The following PIAS2 variants were observed in gnomAD, a reference collection of about 807,000 sequenced individuals.
The protein encoded by PIAS2 is protein inhibitor of activated STAT 2.
Under a neutral mutation model 69.7 loss-of-function variants are expected in PIAS2, and 19 were observed. That is an observed-to-expected ratio of 0.27 (90% CI 0.19 to 0.40). The LOEUF is 0.40. Among genes scored for constraint, PIAS2 ranks in the 10% least tolerant of loss-of-function variants. PIAS2 has a pLI of 1.00. For synonymous variants in PIAS2, 261 were observed against 263.2 expected (o/e 0.99, Z 0.08); for missense variants, 624 against 757.0 (o/e 0.82, Z 2.06).
intron 9 of PIAS2, among the ~76,000 whole-genome samples, chr18:46,830,464 A>G (rs745834576): frequency 5.9e-5 from 9 of 152,074 alleles, no homozygotes; most frequent in Non-Finnish European, 8.8e-5. Flanking sequence ...AAATTTGTGG[A>G]CTGTATTATT....
intron 9 of PIAS2, 198 bp downstream of exon 9, chr18:46,836,159 G>A: frequency 2.1e-6 from 1 of 470,032 alleles, no homozygotes; most frequent in South Asian, 4.1e-5. Flanking sequence ...TCATATTATA[G>A]AGATAAAAAT....
At chr18:46,918,898 C>G (rs184336495), upstream of PIAS2, among the ~76,000 whole-genome samples, 269 of 152,166 alleles carry the variant, frequency 1.8e-3, 2 homozygotes, top group Admixed American at 5.8e-3. Flanking sequence ...CTGTTATGAC[C>G]TCTCCTAGGA....
At chr18:46,850,100 T>C (rs1300540741) in intron 5 of PIAS2, among the ~76,000 whole-genome samples, 1 of 152,216 alleles carries the variant, frequency 6.6e-6, no homozygotes, top group Non-Finnish European at 1.5e-5. Flanking sequence ...TTGAAAATTT[T>C]AAACATATAC....
chr18:46,841,683 A>G lies in PIAS2; in HGVS notation c.1041+2371T>C, dbSNP rs554609662. 3.9e-5 allele frequency among the ~76,000 whole-genome samples: 6 copies of G among 152,318 alleles called. No homozygotes were observed. The South Asian group carries it at 1.2e-3, about 32-fold the overall frequency. ...ATTCTTTTCTTAGAAAGTGCTCTGA[A>G]AAGATTGATGAACCCCCAGGAAAAG... On this transcript the variant is annotated intron_variant, in intron 8 of 13. Coordinates refer to ENST00000585916, the MANE Select transcript of PIAS2 (RefSeq NM_004671.5).
chr18:46,896,813 C>T (rs555725585), intron 1 of PIAS2, among the ~76,000 whole-genome samples: 46 of 152,334 alleles, frequency 3.0e-4, no homozygotes, highest in South Asian at 1.7e-3. Flanking sequence ...GTCCTCAATG[C>T]ACCCAATACA....
chr18:46,869,218 A>G (rs1324700774), intron 2 of PIAS2, among the ~76,000 whole-genome samples: 1 of 152,216 alleles, frequency 6.6e-6, no homozygotes, highest in Non-Finnish European at 1.5e-5. Context: ...GCAGCCAGAG[A>G]AGGACAAAGC....
At chr18:46,821,625 A>C (rs1451593722) in intron 11 of PIAS2, among the ~76,000 whole-genome samples, 1 of 152,144 alleles carries the variant, frequency 6.6e-6, no homozygotes, top group African/African-American at 2.4e-5. Flanking sequence ...GCAATAGGCC[A>C]CAATCAGAAA....
intron 1 of PIAS2, among the ~76,000 whole-genome samples, chr18:46,896,165 C>CAAAAAAAAAAAAAAAAAAAAAAA: frequency 3.1e-5 from 1 of 31,950 alleles, no homozygotes; most frequent in Non-Finnish European, 6.2e-5. Context: ...AAGAAAAAAG[C>CAAAAAAAAAAAAAAAAAAAAAAA]AAAAAAAAAA....
At chr18:46,909,310 G>A (rs1472084047) in intron 1 of PIAS2, among the ~76,000 whole-genome samples, 7 of 152,160 alleles carry the variant, frequency 4.6e-5, no homozygotes, top group South Asian at 2.1e-4. Context: ...CCAAGCTGGC[G>A]TGCAATGGCA....
At chr18:46,897,341 C>A (rs1202265298) in intron 1 of PIAS2, among the ~76,000 whole-genome samples, 1 of 152,004 alleles carries the variant, frequency 6.6e-6, no homozygotes, top group Non-Finnish European at 1.5e-5. Context: ...TTTTATCGCA[C>A]CAGAAAACAG....
chr18:46,895,107 G>T (rs1342558805), intron 1 of PIAS2, among the ~76,000 whole-genome samples: 3 of 151,538 alleles, frequency 2.0e-5, no homozygotes, highest in African/African-American at 7.3e-5. Context: ...CATCAAACAG[G>T]TATACATGAC....
intron 1 of PIAS2, chr18:46,917,073 G>A: frequency 3.0e-6 from 3 of 988,824 alleles, no homozygotes; most frequent in Non-Finnish European, 3.6e-6. Flanking sequence ...CCAGGTGTGC[G>A]GACCACTGGC....
At chr18:46,866,435 C>G (rs1291619302) in intron 2 of PIAS2, among the ~76,000 whole-genome samples, 1 of 152,148 alleles carries the variant, frequency 6.6e-6, no homozygotes, top group African/African-American at 2.4e-5. Flanking sequence ...CCTTCAAAAG[C>G]AGAGTGGAAG....
chr18:46,878,947 T>C (rs552416108), intron 2 of PIAS2, among the ~76,000 whole-genome samples: 1 of 152,286 alleles, frequency 6.6e-6, no homozygotes, highest in African/African-American at 2.4e-5. Flanking sequence ...ATGGCTAACA[T>C]AGGGAAAAGA....
intron 10 of PIAS2, among the ~76,000 whole-genome samples, chr18:46,828,741 G>A (rs754643314): frequency 8.6e-5 from 13 of 152,010 alleles, no homozygotes; most frequent in South Asian, 4.2e-4. Context: ...TGCTAATCAC[G>A]TAGGTTCTTT....
chr18:46,909,978 C>T (rs1476653194), intron 1 of PIAS2, among the ~76,000 whole-genome samples: 1 of 152,056 alleles, frequency 6.6e-6, no homozygotes, highest in Middle Eastern at 3.4e-3. Context: ...ACCAGCCTGG[C>T]CAACATGGTG....
intron 11 of PIAS2, chr18:46,826,652 T>C (rs566461779): frequency 6.6e-6 from 1 of 152,276 alleles, no homozygotes; most frequent in Admixed American, 6.5e-5. Context: ...TACCAACCAA[T>C]TTGTCTCAAA....
intron 3 of PIAS2, among the ~76,000 whole-genome samples, chr18:46,857,837 C>A (rs2048067227): frequency 6.6e-6 from 1 of 152,140 alleles, no homozygotes; most frequent in Non-Finnish European, 1.5e-5. Context: ...CATACTGGTC[C>A]ATCAGATACA....
At chr18:46,894,355 A>C (rs973668349) in intron 1 of PIAS2, among the ~76,000 whole-genome samples, 3 of 152,148 alleles carry the variant, frequency 2.0e-5, no homozygotes, top group African/African-American at 4.8e-5. Context: ...ACCAGAGCCC[A>C]CATGGGGGTT....
Sources: gnomAD v4.1 joint callset for allele counts (sites outside exome capture counted in the v4.1 genomes callset) on GRCh38, gnomAD v4.1.1 for gene constraint, MANE v1.5 for transcripts, NCBI Gene and HGNC (gene_info 2026-07-23, HGNC 2026-07-21) for gene names.